The following SDHB variants were observed in gnomAD, a reference collection of about 807,000 sequenced individuals.
SDHB encodes succinate dehydrogenase complex iron sulfur subunit B, also known as succinate dehydrogenase [ubiquinone] iron-sulfur subunit, mitochondrial.
Under a neutral mutation model 39.7 loss-of-function variants are expected in SDHB, and 21 were observed. The observed-to-expected ratio is 0.53, with a 90% confidence interval of 0.37 to 0.76. SDHB has a LOEUF of 0.76. SDHB is among the 30% of genes least tolerant of loss of function. SDHB has a pLI of 0.00. For missense variants in SDHB, 343 were observed against 350.9 expected (o/e 0.98, Z 0.18); for synonymous variants, 118 against 117.0 (o/e 1.01, Z -0.06).
intron 2 of SDHB, among the ~76,000 whole-genome samples, chr1:17,039,527 G>A (rs953338007): frequency 1.3e-5 from 2 of 152,002 alleles, no homozygotes; most frequent in African/African-American, 4.8e-5. Context: ...GTCTCAGGGA[G>A]GGAGGATTGC....
chr1:17,030,508 C>T (rs540508774), intron 3 of SDHB, among the ~76,000 whole-genome samples: 7 of 152,046 alleles, frequency 4.6e-5, no homozygotes, highest in Non-Finnish European at 7.4e-5. Flanking sequence ...CCCAGGACCC[C>T]GACATGAGAA....
At chr1:17,048,313 G>C (rs1404222440) in intron 1 of SDHB, among the ~76,000 whole-genome samples, 1 of 152,188 alleles carries the variant, frequency 6.6e-6, no homozygotes, top group African/African-American at 2.4e-5. Flanking sequence ...GCTGTGTACA[G>C]CAATAGCTTT....
intron 2 of SDHB, among the ~76,000 whole-genome samples, chr1:17,043,758 G>A (rs2078093880): frequency 6.6e-6 from 1 of 152,220 alleles, no homozygotes; most frequent in Non-Finnish European, 1.5e-5. Context: ...TGGAAGAAGA[G>A]GCCAAGAGCC....
At chr1:17,020,776 C>T (rs1396781394) in intron 7 of SDHB, among the ~76,000 whole-genome samples, 1 of 152,188 alleles carries the variant, frequency 6.6e-6, no homozygotes, top group African/African-American at 2.4e-5. Context: ...TTCACAGGCA[C>T]AATCATGGTA....
intron 1 of SDHB, among the ~76,000 whole-genome samples, chr1:17,046,042 C>T (rs2101543095): frequency 6.6e-6 from 1 of 152,230 alleles, no homozygotes; most frequent in East Asian, 1.9e-4. Context: ...AGACCGTCTA[C>T]CAGTAACATT....
chr1:17,026,762 T>C lies in SDHB; in HGVS notation c.540+987A>G, dbSNP rs556593193. The stretch of plus-strand genomic sequence containing the variant: ...TTAATTTATTCATTCATACAACTGA[T>C]ACTTTTCATATATTCACATATATGT... On this transcript the variant is annotated intron_variant, in intron 5 of 7. Coordinates refer to ENST00000375499, the MANE Select transcript of SDHB (RefSeq NM_003000.3). Among the ~76,000 whole-genome samples, 4 of 152,284 alleles carry C rather than the reference T, an allele frequency of 2.6e-5. No individual in the cohort carries two copies. In the South Asian group the frequency reaches 6.2e-4, roughly 24 times the overall value.
chr1:17,022,777 A>G (rs2077969406), intron 6 of SDHB, 47 bp from the exon 7 acceptor site: 2 of 1,595,474 alleles, frequency 1.3e-6, no homozygotes, highest in African/African-American at 2.7e-5. Flanking sequence ...AACAGGCCAG[A>G]GCGGCACCCT....
At chr1:17,022,403 C>T (rs1412540927) in intron 7 of SDHB, among the ~76,000 whole-genome samples, 1 of 152,200 alleles carries the variant, frequency 6.6e-6, no homozygotes, top group Non-Finnish European at 1.5e-5. Context: ...ATAAAGCCTG[C>T]TCCTGAGGTG....
chr1:17,018,964 A>G lies in SDHB; in HGVS notation c.766-6T>C, dbSNP rs1553176984. 1 of 1,601,630 alleles carries G rather than the reference A, an allele frequency of 6.2e-7. No individual in the cohort carries two copies. Among genetic ancestry groups the G allele is most frequent in the East Asian group, 2.2e-5 (1 of 44,824 alleles). On this transcript the variant is annotated splice_polypyrimidine_tract_variant and splice_region_variant and intron_variant, in intron 7 of 7. Transcript: ENST00000375499. ...GCTTTCCCTGGATTCAGACCCTTGA[A>G]AAAAGAGAAAAGAATCAATAACAAA...
chr1:17,023,930 C>G (rs1454003838), intron 6 of SDHB, 43 bp downstream of exon 6: 1 of 1,459,122 alleles, frequency 6.9e-7, no homozygotes, highest in Middle Eastern at 2.2e-4. Context: ...CTTCTGGATG[C>G]TTGAGTTTCA....
Position 17,040,528 on chromosome 1 carries a change from C to A in SDHB, c.200+4233G>T, listed in dbSNP as rs374242923. ...GGAGTACAGTGGCACAATTATAGCT[C>A]ATAGCAGCCTCAAGTTCCTAAGCTC... On this transcript the variant is annotated intron_variant, in intron 2 of 7. Coordinates refer to ENST00000375499, the MANE Select transcript of SDHB (RefSeq NM_003000.3). 7.2e-5 allele frequency among the ~76,000 whole-genome samples: 11 copies of A among 152,328 alleles called. No individual in the cohort carries two copies. In the East Asian group the frequency reaches 1.7e-3, roughly 24 times the overall value.
At chr1:17,023,931 T>C (rs765427998) in intron 6 of SDHB, 42 bp downstream of exon 6, 3 of 1,467,878 alleles carry the variant, frequency 2.0e-6, no homozygotes, top group East Asian at 2.3e-5. Context: ...TTCTGGATGC[T>C]TGAGTTTCAA....
chr1:17,020,581 C>G (rs1338050116), intron 7 of SDHB, among the ~76,000 whole-genome samples: 1 of 152,210 alleles, frequency 6.6e-6, no homozygotes, highest in Non-Finnish European at 1.5e-5. Flanking sequence ...GAGTCACTCG[C>G]AGAGCTTCTG....
intron 5 of SDHB, among the ~76,000 whole-genome samples, chr1:17,024,703 A>G (rs1327946894): frequency 6.6e-6 from 1 of 152,248 alleles, no homozygotes; most frequent in Non-Finnish European, 1.5e-5. Flanking sequence ...CAGCAGAACC[A>G]GGATGTGGCC....
At chr1:17,052,821 T>C (rs1013125754) in intron 1 of SDHB, among the ~76,000 whole-genome samples, 2 of 152,134 alleles carry the variant, frequency 1.3e-5, no homozygotes, top group African/African-American at 4.8e-5. Flanking sequence ...GATGTCCTCA[T>C]TTAAGTGCAA....
intron 6 of SDHB, chr1:17,023,299 C>G: frequency 5.1e-6 from 1 of 194,274 alleles, no homozygotes; most frequent in East Asian, 1.2e-4. Flanking sequence ...CTCGGAGCAG[C>G]TGGCAAAAGT....
At chr1:17,024,119 C>A in intron 5 of SDHB, 45 bp from the exon 6 acceptor site, 1 of 1,322,046 alleles carries the variant, frequency 7.6e-7, no homozygotes, top group Non-Finnish European at 1.1e-6. Flanking sequence ...ACGGGAGAGA[C>A]TCTGCTATGT....
chr1:17,049,069 G>A (rs1269466800), intron 1 of SDHB, among the ~76,000 whole-genome samples: 1 of 151,980 alleles, frequency 6.6e-6, no homozygotes, highest in Non-Finnish European at 1.5e-5. Context: ...TGGAGATCAT[G>A]GCTCACTGCA....
At chr1:17,042,954 G>GTTATTTTT (rs2078089196) in intron 2 of SDHB, among the ~76,000 whole-genome samples, 1 of 62,872 alleles carries the variant, frequency 1.6e-5, no homozygotes, top group Non-Finnish European at 2.7e-5. Context: ...TGTTTTATGA[G>GTTATTTTT]TTTTTTTTTT....
Sources: allele counts gnomAD v4.1 joint callset (sites outside exome capture counted in the v4.1 genomes callset), GRCh38; gene constraint gnomAD v4.1.1; transcripts MANE v1.5; gene names NCBI Gene and HGNC (gene_info 2026-07-23, HGNC 2026-07-21).